Variants in LPP observed in about 807,000 individuals in gnomAD.
The protein encoded by LPP is LIM domain containing preferred translocation partner in lipoma, also known as lipoma-preferred partner.
In LPP, 38 loss-of-function variants were observed where a neutral mutation model predicts 60.4. That is an observed-to-expected ratio of 0.63 (90% CI 0.49 to 0.83). LPP has a LOEUF of 0.83. LPP is among the 40% of genes least tolerant of loss of function. LPP has a pLI of 0.00. For synonymous variants in LPP, 328 were observed against 290.8 expected, an observed-to-expected ratio of 1.13 and a Z score of -1.30; for missense variants, 902 against 783.6, an observed-to-expected ratio of 1.15 and a Z score of -1.80.
intron 5 of LPP, among the ~76,000 whole-genome samples, chr3:188,487,193 A>G (rs577601544): frequency 6.6e-6 from 1 of 152,328 alleles, no homozygotes; most frequent in African/African-American, 2.4e-5. Context: ...TTCATTAGAA[A>G]CAAAACAAAT....
At chr3:188,330,114 T>C (rs2150495337) in intron 2 of LPP, among the ~76,000 whole-genome samples, 1 of 152,320 alleles carries the variant, frequency 6.6e-6, no homozygotes, top group South Asian at 2.1e-4. Context: ...AACTTTGCTT[T>C]TGGTTATGTT....
chr3:188,631,423 A>T (rs1847833964), intron 7 of LPP, among the ~76,000 whole-genome samples: 1 of 152,166 alleles, frequency 6.6e-6, no homozygotes, highest in Non-Finnish European at 1.5e-5. Flanking sequence ...TTCATAGCTG[A>T]TGAGTTCTAT....
At chr3:188,168,520 T>C (rs964662143) in intron 1 of LPP, among the ~76,000 whole-genome samples, 1 of 152,166 alleles carries the variant, frequency 6.6e-6, no homozygotes, top group African/African-American at 2.4e-5. Flanking sequence ...TCTCTAATGC[T>C]TAAGTCTAAA....
chr3:188,440,256 A>C (rs916865465), intron 4 of LPP, among the ~76,000 whole-genome samples: 4 of 152,194 alleles, frequency 2.6e-5, no homozygotes, highest in African/African-American at 9.7e-5. Context: ...AAAGTTAGTG[A>C]ACTTTGCTGA....
chr3:188,769,636 A>T (rs1176170893), intron 9 of LPP, among the ~76,000 whole-genome samples: 2 of 152,172 alleles, frequency 1.3e-5, no homozygotes, highest in East Asian at 3.8e-4. Context: ...ATCCCAAGAA[A>T]GCTGAGTGTT....
intron 7 of LPP, among the ~76,000 whole-genome samples, chr3:188,625,960 C>A (rs183362186): frequency 1.5e-3 from 223 of 152,130 alleles, no homozygotes; most frequent in African/African-American, 5.3e-3. Context: ...TCTAACAAAC[C>A]GAATGGGCCT....
At chr3:188,276,721 C>T (rs1475223886) in intron 2 of LPP, among the ~76,000 whole-genome samples, 1 of 142,554 alleles carries the variant, frequency 7.0e-6, no homozygotes, top group African/African-American at 2.7e-5. Context: ...CTCTCTCTCT[C>T]TCTGTCTGTC....
rs191207481 is a variant in LPP at position 188,724,143 on chromosome 3, A to G, written c.1240+15750A>G. On this transcript the variant is annotated intron_variant, in intron 8 of 11. Transcript: ENST00000617246. ...TTCTACATGCATTACTTATATCTGG[A>G]CTATAACTCTAGGCAGTAGATACTG... Among the ~76,000 whole-genome samples the G allele has an allele frequency of 2.3e-3, 344 of 152,318 alleles. 1 individual carries two copies. The highest frequency in any genetic ancestry group is 6.6e-3 in the Admixed American group (101 of 15,298).
chr3:188,785,474 C>CAT lies in LPP; in HGVS notation c.1410+25203_1410+25204dup, dbSNP rs1363213767. 8.8e-4 allele frequency among the ~76,000 whole-genome samples: 38 copies of CAT among 43,306 alleles called. 10 individuals are homozygous for CAT. Among genetic ancestry groups the CAT allele is most frequent in the Non-Finnish European group, 1.2e-3 (31 of 25,768 alleles). 28.4% of individuals were successfully genotyped at this position (43,306 alleles called of 152,430 possible). A position where few individuals can be genotyped will look rare whatever the true frequency, so the allele number is the denominator to read the frequency against. On this transcript the variant is annotated intron_variant, in intron 9 of 11. Transcript: ENST00000617246. ...ATTCCATCATATATATATATTCCAT[C>CAT]ATATATATATATTCATCATATATAT...
intron 1 of LPP, among the ~76,000 whole-genome samples, chr3:188,186,565 T>C (rs1319599807): frequency 1.3e-5 from 2 of 150,122 alleles, no homozygotes; most frequent in Non-Finnish European, 3.0e-5. Flanking sequence ...TAATCCTTTC[T>C]AGCTTGAAAT....
At chr3:188,679,558 T>C (rs868021539) in intron 7 of LPP, among the ~76,000 whole-genome samples, 17 of 79,150 alleles carry the variant, frequency 2.1e-4, no homozygotes, top group East Asian at 1.5e-3. Context: ...TGTGTGTGTG[T>C]GTGTGCGCGC....
intron 4 of LPP, among the ~76,000 whole-genome samples, chr3:188,411,320 T>C (rs1457037449): frequency 6.6e-6 from 1 of 152,168 alleles, no homozygotes; most frequent in African/African-American, 2.4e-5. Flanking sequence ...GGTGGGAATG[T>C]AAACTAGTAC....
At chr3:188,306,103 C>T (rs944287513) in intron 2 of LPP, among the ~76,000 whole-genome samples, 5 of 151,896 alleles carry the variant, frequency 3.3e-5, no homozygotes, top group East Asian at 1.9e-4. Flanking sequence ...TTTTTTGAGA[C>T]GTAGTCTCAC....
chr3:188,797,268 C>T (rs898303044), intron 9 of LPP, among the ~76,000 whole-genome samples: 9 of 152,044 alleles, frequency 5.9e-5, no homozygotes, highest in Non-Finnish European at 1.0e-4. Flanking sequence ...GTTTTTGTCA[C>T]GGATTTGCTA....
intron 2 of LPP, among the ~76,000 whole-genome samples, chr3:188,260,138 C>A (rs1176058851): frequency 1.3e-5 from 2 of 152,064 alleles, no homozygotes; most frequent in Admixed American, 6.6e-5. Context: ...CTCCCAGGTT[C>A]AAGCGATTCT....
chr3:188,838,366 C>CTGT (rs1759021719), intron 9 of LPP, among the ~76,000 whole-genome samples: 2 of 152,156 alleles, frequency 1.3e-5, no homozygotes, highest in African/African-American at 4.8e-5. Flanking sequence ...TTTGAAACTC[C>CTGT]TAAACCCATG....
intron 7 of LPP, among the ~76,000 whole-genome samples, chr3:188,702,764 T>C (rs975191848): frequency 2.0e-5 from 3 of 152,212 alleles, no homozygotes; most frequent in African/African-American, 7.2e-5. Flanking sequence ...AAAGGTTTGC[T>C]TCACAATGTC....
At chr3:188,254,907 A>G (rs934091106) in intron 2 of LPP, among the ~76,000 whole-genome samples, 1 of 152,172 alleles carries the variant, frequency 6.6e-6, no homozygotes, top group Non-Finnish European at 1.5e-5. Context: ...CTTACCAGTC[A>G]CCACAGTGTC....
At position 188,609,533 on chromosome 3, in the gene LPP, CGGGGAG is replaced by C. The variant is rs772224159; in HGVS notation, c.804_809del (p.Gly269_Gly270del). ...TGGGCAGTGTCCACCTCCTTCAACACGGGGAGGCATGGATTATGCCTACATTCCACC... is the reference window on the plus strand; with the variant it reads ...TGGGCAGTGTCCACCTCCTTCAACACGCATGGATTATGCCTACATTCCACC... On this transcript the variant is annotated inframe_deletion, in exon 7 of 12. Transcript: ENST00000617246. This position sits in a 1 kb window ranked among gnomAD's most constrained non-coding sequence, Gnocchi z 6.9. The C allele has an allele frequency of 1.2e-6, 2 of 1,614,160 alleles. No homozygotes were observed. The highest frequency in any genetic ancestry group is 2.2e-5 in the South Asian group (2 of 91,082).
Sources: allele counts gnomAD v4.1 joint callset (sites outside exome capture counted in the v4.1 genomes callset), GRCh38; gene constraint gnomAD v4.1.1; non-coding constraint Gnocchi (gnomAD v3.1); transcripts MANE v1.5; gene names NCBI Gene and HGNC (gene_info 2026-07-23, HGNC 2026-07-21).